TTC13: variants seen among roughly 807,000 people sequenced by gnomAD.
The protein encoded by TTC13 is tetratricopeptide repeat domain 13.
In TTC13, 62 loss-of-function variants were observed where a neutral mutation model predicts 120.0. That is an observed-to-expected ratio of 0.52 (90% CI 0.42 to 0.64). The LOEUF (loss-of-function observed/expected upper bound fraction) is 0.64. Ranked by LOEUF, TTC13 falls within the 30% of genes least tolerant of loss-of-function variation. The pLI, the probability that TTC13 is intolerant of heterozygous loss-of-function variation, is 0.00. For missense variants in TTC13, 824 were observed against 1,050.2 expected (o/e 0.78, Z 2.98); for synonymous variants, 384 against 393.5 (o/e 0.98, Z 0.28).
At chr1:230,947,432 C>T (rs1368752186) in intron 4 of TTC13, among the ~76,000 whole-genome samples, 1 of 152,092 alleles carries the variant, frequency 6.6e-6, no homozygotes, top group East Asian at 1.9e-4. Flanking sequence ...GGGTGGGAGG[C>T]GGTAAGCCCA....
At chr1:230,930,522 G>T (rs1270268703) in intron 11 of TTC13, among the ~76,000 whole-genome samples, 3 of 151,946 alleles carry the variant, frequency 2.0e-5, no homozygotes, top group Non-Finnish European at 2.9e-5. Flanking sequence ...CTAATAAAAG[G>T]GTAACTGCAA....
intron 11 of TTC13, among the ~76,000 whole-genome samples, chr1:230,930,957 A>G (rs918054512): frequency 5.9e-5 from 9 of 152,160 alleles, no homozygotes; most frequent in African/African-American, 2.2e-4. Context: ...ACAGAATGTC[A>G]GTTTCCTGCC....
intron 1 of TTC13, among the ~76,000 whole-genome samples, chr1:230,964,678 G>T (rs550570336): frequency 6.6e-6 from 1 of 152,256 alleles, no homozygotes; most frequent in East Asian, 1.9e-4. Context: ...ATACATTATA[G>T]ACATTAGGAT....
intron 13 of TTC13, among the ~76,000 whole-genome samples, 171 bp from the exon 14 acceptor site, chr1:230,925,144 A>G (rs1225476981): frequency 2.0e-5 from 3 of 152,182 alleles, no homozygotes; most frequent in African/African-American, 7.2e-5. Context: ...ACTAAAATTA[A>G]AACCCATCAG....
chr1:230,967,636 T>C (rs73107901), intron 1 of TTC13, among the ~76,000 whole-genome samples: 5,728 of 152,290 alleles, frequency 0.038, 361 homozygotes, highest in African/African-American at 0.13. Flanking sequence ...ACTATGTATG[T>C]ATCTTCTAAG....
intron 14 of TTC13, 21 bp from the exon 15 acceptor site, chr1:230,923,954 TA>T: frequency 6.3e-7 from 1 of 1,593,328 alleles, no homozygotes. Flanking sequence ...GAGACCTTTA[TA>T]AAACCAGAAG....
intron 1 of TTC13, among the ~76,000 whole-genome samples, chr1:230,971,189 C>CAA (rs57390363): frequency 8.0e-5 from 12 of 150,912 alleles, no homozygotes; most frequent in African/African-American, 2.9e-4. Flanking sequence ...ATTAAAAATA[C>CAA]AAAAAAATTA....
At chr1:230,960,906 G>A (rs938935784) in intron 2 of TTC13, among the ~76,000 whole-genome samples, 1 of 152,244 alleles carries the variant, frequency 6.6e-6, no homozygotes, top group East Asian at 1.9e-4. Context: ...CATATGCAAA[G>A]GTTGGAAAAA....
At chr1:230,958,677 A>C (rs1169070719) in intron 2 of TTC13, among the ~76,000 whole-genome samples, 1 of 152,218 alleles carries the variant, frequency 6.6e-6, no homozygotes, top group African/African-American at 2.4e-5. Flanking sequence ...ACAGATGCAA[A>C]AGATTTTTCT....
At chr1:230,933,063 C>G (rs998374954) in intron 9 of TTC13, among the ~76,000 whole-genome samples, 2 of 152,154 alleles carry the variant, frequency 1.3e-5, no homozygotes, top group African/African-American at 2.4e-5. Context: ...ACCTCTGACT[C>G]CCGGGTTCAA....
At chr1:230,911,713 G>A (rs910387784) in intron 19 of TTC13, among the ~76,000 whole-genome samples, 164 bp from the exon 20 acceptor site, 13 of 152,124 alleles carry the variant, frequency 8.5e-5, no homozygotes, top group Non-Finnish European at 1.8e-4. Context: ...ATACCCTTTT[G>A]TATCATTTTT....
chr1:230,946,513 T>C (rs547731226), intron 4 of TTC13, among the ~76,000 whole-genome samples: 1 of 152,344 alleles, frequency 6.6e-6, no homozygotes, highest in East Asian at 1.9e-4. Flanking sequence ...AGTGGTAAAC[T>C]GGCATATCGC....
intron 8 of TTC13, among the ~76,000 whole-genome samples, 194 bp downstream of exon 8, chr1:230,939,192 T>C (rs962240132): frequency 6.6e-6 from 1 of 152,250 alleles, no homozygotes. Context: ...CTGTATCCTC[T>C]ATAAAGGTAA....
At chr1:230,915,660 G>C (rs1432813331) in intron 18 of TTC13, among the ~76,000 whole-genome samples, 2 of 152,086 alleles carry the variant, frequency 1.3e-5, no homozygotes, top group African/African-American at 4.8e-5. Context: ...TAGTAGAACA[G>C]TCTAACCTCA....
At chr1:230,968,258 T>C (rs1368113023) in intron 1 of TTC13, among the ~76,000 whole-genome samples, 2 of 151,252 alleles carry the variant, frequency 1.3e-5, no homozygotes, top group African/African-American at 4.8e-5. Context: ...GCCTTAGCCA[T>C]TTTTAGTTTG....
intron 21 of TTC13, 60 bp from the exon 22 acceptor site, chr1:230,908,851 G>C: frequency 3.7e-6 from 6 of 1,604,476 alleles, no homozygotes; most frequent in Admixed American, 1.7e-5. Context: ...CTCGGCTGGA[G>C]ATCTATGTAA....
intron 6 of TTC13, among the ~76,000 whole-genome samples, chr1:230,943,509 ATG>A (rs1179183932): frequency 1.3e-5 from 2 of 152,032 alleles, no homozygotes; most frequent in African/African-American, 4.8e-5. Context: ...CACAAATATT[ATG>A]TGTTATATTT....
chr1:230,950,845 A>C (rs541681215), intron 4 of TTC13, among the ~76,000 whole-genome samples: 2 of 152,360 alleles, frequency 1.3e-5, no homozygotes, highest in African/African-American at 4.8e-5. Context: ...CCATCCCTGC[A>C]TGAGGACCAA....
At chr1:230,949,674 G>A (rs1476575921) in intron 4 of TTC13, among the ~76,000 whole-genome samples, 1 of 151,394 alleles carries the variant, frequency 6.6e-6, no homozygotes, top group Non-Finnish European at 1.5e-5. Context: ...TTGAGACGAA[G>A]TCTCGCTGTC....
Sources: allele counts gnomAD v4.1 joint callset (sites outside exome capture counted in the v4.1 genomes callset), GRCh38; gene constraint gnomAD v4.1.1; transcripts MANE v1.5; gene names NCBI Gene and HGNC (gene_info 2026-07-23, HGNC 2026-07-21).